PDE10A: variants seen among roughly 807,000 people sequenced by gnomAD.
The protein encoded by PDE10A is cAMP and cAMP-inhibited cGMP 3',5'-cyclic phosphodiesterase 10A.
PDE10A carries 39 observed loss-of-function variants against 97.7 expected under a neutral mutation model. That is an observed-to-expected ratio of 0.40 (90% CI 0.31 to 0.52). The LOEUF (loss-of-function observed/expected upper bound fraction) is 0.52, where lower values mean the gene tolerates loss of function less well. Among genes scored for constraint, PDE10A ranks in the 20% least tolerant of loss-of-function variants. The pLI is 0.56. For missense variants in PDE10A, 731 were observed against 1,047.8 expected (o/e 0.70, Z 4.17); for synonymous variants, 371 against 376.8 (o/e 0.98, Z 0.18).
rs372235036 is a variant in PDE10A at position 165,633,679 on chromosome 6, G to C, written c.865+28268C>G. Among the ~76,000 whole-genome samples the C allele has an allele frequency of 2.6e-5, 4 of 152,252 alleles. No homozygotes were observed. In the East Asian group the frequency reaches 5.8e-4, roughly 22 times the overall value. On this transcript the variant is annotated intron_variant, in intron 1 of 21. Transcript: ENST00000539869. ...TCTCACTCAGGTCACCCAGGCTGGA[G>C]TGCGGTGGCACGATCTCAGCTCACT...
At chr6:165,452,545 CTT>C (rs1491471083) in intron 3 of PDE10A, among the ~76,000 whole-genome samples, 12 of 152,114 alleles carry the variant, frequency 7.9e-5, no homozygotes, top group Admixed American at 1.3e-4. Context: ...CCTTCTCTCT[CTT>C]GTACATTCTC....
At chr6:165,619,587 C>CTAGTCTAG (rs1788007775) in intron 1 of PDE10A, among the ~76,000 whole-genome samples, 1 of 145,884 alleles carries the variant, frequency 6.9e-6, no homozygotes, top group Non-Finnish European at 1.5e-5. Context: ...GCGTAGTGTA[C>CTAGTCTAG]TGTAGTCTAG....
chr6:165,633,996 C>T (rs1273001375), intron 1 of PDE10A, among the ~76,000 whole-genome samples: 1 of 151,978 alleles, frequency 6.6e-6, no homozygotes, highest in Non-Finnish European at 1.5e-5. Context: ...ATCAGAAAAA[C>T]AATTCTTTTT....
At chr6:165,734,522 A>G (rs996832558) in intron 1 of PDE10A, among the ~76,000 whole-genome samples, 2 of 152,240 alleles carry the variant, frequency 1.3e-5, no homozygotes, top group African/African-American at 2.4e-5. Flanking sequence ...ACTTTTGAAG[A>G]AAAGAACAGG....
intron 1 of PDE10A, among the ~76,000 whole-genome samples, chr6:165,677,624 G>T (rs1321422040): frequency 6.6e-6 from 1 of 152,206 alleles, no homozygotes. Context: ...AGGAGGATGT[G>T]CATAGGTTAC....
intron 1 of PDE10A, among the ~76,000 whole-genome samples, chr6:165,595,967 G>C (rs933553869): frequency 6.6e-6 from 1 of 152,144 alleles, no homozygotes; most frequent in African/African-American, 2.4e-5. Context: ...CAAATATTCA[G>C]ACCACAGAAA....
chr6:165,416,144 A>G (rs780517545), intron 12 of PDE10A, 45 bp downstream of exon 12: 11 of 1,233,124 alleles, frequency 8.9e-6, no homozygotes, highest in Non-Finnish European at 1.2e-5. Context: ...TGAGTGGGAC[A>G]TCACAGAAGA....
intron 20 of PDE10A, among the ~76,000 whole-genome samples, chr6:165,337,397 A>G (rs1465326023): frequency 6.6e-6 from 1 of 152,240 alleles, no homozygotes; most frequent in African/African-American, 2.4e-5. Context: ...AGCATACAGA[A>G]GGATCAAATT....
intron 1 of PDE10A, among the ~76,000 whole-genome samples, chr6:165,599,758 A>AG (rs1442232834): frequency 6.6e-6 from 1 of 152,218 alleles, no homozygotes; most frequent in Admixed American, 6.5e-5. Flanking sequence ...CACAGGCAGG[A>AG]GCAGGAGTGC....
intron 15 of PDE10A, among the ~76,000 whole-genome samples, chr6:165,393,297 C>G (rs373531083): frequency 2.0e-5 from 3 of 152,000 alleles, no homozygotes; most frequent in African/African-American, 4.8e-5. Context: ...AGGTTTATTA[C>G]ACACTCAAAT....
chr6:165,801,057 A>T lies in PDE10A; in HGVS notation c.-615+186472T>A, dbSNP rs551370170. The stretch of plus-strand genomic sequence containing the variant: ...CAGCTGGTCTGCTTAGATCTTATAA[A>T]CTACTTGGGATCATCAGTGCTTCCT... On this transcript the variant is annotated intron_variant, in intron 1 of 19. Transcript: ENST00000366882. Among the ~76,000 whole-genome samples the T allele has an allele frequency of 5.3e-5, 8 of 152,326 alleles. No homozygotes were observed. The South Asian group carries it at 1.2e-3, about 24-fold the overall frequency.
At chr6:165,603,313 G>A (rs569066079) in intron 1 of PDE10A, among the ~76,000 whole-genome samples, 3 of 152,290 alleles carry the variant, frequency 2.0e-5, no homozygotes, top group African/African-American at 7.2e-5. Flanking sequence ...GTGCTTTATC[G>A]TTATTTTAGC....
chr6:165,606,882 T>C (rs1787236462), intron 1 of PDE10A, among the ~76,000 whole-genome samples: 1 of 152,096 alleles, frequency 6.6e-6, no homozygotes, highest in African/African-American at 2.4e-5. Flanking sequence ...GCTCTATTAC[T>C]AATCATAAGA....
At chr6:165,935,577 G>A (rs1227764376) in intron 1 of PDE10A, among the ~76,000 whole-genome samples, 1 of 152,236 alleles carries the variant, frequency 6.6e-6, no homozygotes, top group African/African-American at 2.4e-5. Flanking sequence ...AGGATAGCAG[G>A]AATGGAGGAG....
At chr6:165,547,734 G>C (rs1783809212) in intron 1 of PDE10A, among the ~76,000 whole-genome samples, 1 of 152,128 alleles carries the variant, frequency 6.6e-6, no homozygotes, top group Admixed American at 6.6e-5. Flanking sequence ...GAAAAGGATT[G>C]ACACCTTTGA....
At chr6:165,738,865 A>T (rs1356439975) in intron 1 of PDE10A, among the ~76,000 whole-genome samples, 1 of 152,182 alleles carries the variant, frequency 6.6e-6, no homozygotes, top group Non-Finnish European at 1.5e-5. Context: ...ACAACAAACC[A>T]CCAAAAGAGA....
chr6:165,927,291 A>C (rs554411908), intron 1 of PDE10A, among the ~76,000 whole-genome samples: 1 of 152,292 alleles, frequency 6.6e-6, no homozygotes, highest in East Asian at 1.9e-4. Flanking sequence ...GGCTTTCAGG[A>C]TTTAGCCATA....
At chr6:165,677,385 T>C (rs1790828909) in intron 1 of PDE10A, among the ~76,000 whole-genome samples, 1 of 152,222 alleles carries the variant, frequency 6.6e-6, no homozygotes, top group Non-Finnish European at 1.5e-5. Context: ...CCTTAAAAGC[T>C]GTCTCTCTAG....
chr6:165,716,098 TGGATGAAGCCCAGGTGCCAG>T (rs1434687794), intron 1 of PDE10A, among the ~76,000 whole-genome samples: 5 of 152,198 alleles, frequency 3.3e-5, no homozygotes, highest in Non-Finnish European at 7.4e-5. Context: ...CCTTGCAGAC[TGGATGAAGCCCAGGTGCCAG>T]GGCTCAAACC....
Sources: gnomAD v4.1 joint callset for allele counts (sites outside exome capture counted in the v4.1 genomes callset) on GRCh38, gnomAD v4.1.1 for gene constraint, MANE v1.5 for transcripts, NCBI Gene and HGNC (gene_info 2026-07-23, HGNC 2026-07-21) for gene names.